HCRTR2: variants seen among roughly 807,000 people sequenced by gnomAD.
HCRTR2 encodes orexin receptor type 2.
HCRTR2 carries 22 observed loss-of-function variants against 49.0 expected under a neutral mutation model. The ratio of observed to expected loss-of-function variants is 0.45; its 90% CI spans 0.32 to 0.64. HCRTR2 has a LOEUF of 0.64. HCRTR2 is among the 30% of genes least tolerant of loss of function. The pLI, the probability that HCRTR2 is intolerant of heterozygous loss-of-function variation, is 0.04. For synonymous variants in HCRTR2, 236 were observed against 205.3 expected (o/e 1.15, Z -1.28); for missense variants, 491 against 559.4 (o/e 0.88, Z 1.23).
intron 3 of HCRTR2, among the ~76,000 whole-genome samples, chr6:55,257,626 C>T (rs536143576): frequency 3.7e-4 from 56 of 151,442 alleles, no homozygotes; most frequent in Non-Finnish European, 5.9e-4. Flanking sequence ...TGTAAATAGA[C>T]GTATGATTTT....
chr6:55,268,569 A>T (rs1766906985), intron 4 of HCRTR2, among the ~76,000 whole-genome samples: 1 of 152,178 alleles, frequency 6.6e-6, no homozygotes, highest in Non-Finnish European at 1.5e-5. Flanking sequence ...ATGTGGTTAT[A>T]CTAAAATTAG....
chr6:55,196,612 T>G (rs1035684696), intron 1 of HCRTR2, among the ~76,000 whole-genome samples: 24 of 152,202 alleles, frequency 1.6e-4, no homozygotes, highest in Admixed American at 2.6e-4. Flanking sequence ...CTGAGCTTTA[T>G]TTTGTTTACA....
At chr6:55,201,505 A>T (rs1765512704) in intron 1 of HCRTR2, among the ~76,000 whole-genome samples, 1 of 152,262 alleles carries the variant, frequency 6.6e-6, no homozygotes, top group Non-Finnish European at 1.5e-5. Flanking sequence ...TGCAATTCTA[A>T]TTTACAATGA....
At chr6:55,189,024 G>C (rs1765271888) in intron 1 of HCRTR2, among the ~76,000 whole-genome samples, 1 of 152,104 alleles carries the variant, frequency 6.6e-6, no homozygotes, top group South Asian at 2.1e-4. Flanking sequence ...ATCATTCAGG[G>C]AATTCCAATA....
intron 1 of HCRTR2, among the ~76,000 whole-genome samples, chr6:55,169,018 T>G (rs1454336858): frequency 6.6e-6 from 1 of 151,818 alleles, no homozygotes; most frequent in East Asian, 2.0e-4. Context: ...CAATGTCTTT[T>G]CCATATGGTT....
At chr6:55,248,948 A>G in intron 2 of HCRTR2, 131 bp downstream of exon 2, 3 of 767,098 alleles carry the variant, frequency 3.9e-6, no homozygotes, top group Admixed American at 4.4e-5. Flanking sequence ...AAGGAAAATA[A>G]TACTTGAGAA....
At chr6:55,199,700 A>G (rs915153446) in intron 1 of HCRTR2, among the ~76,000 whole-genome samples, 4 of 152,184 alleles carry the variant, frequency 2.6e-5, no homozygotes, top group African/African-American at 9.7e-5. Flanking sequence ...ATTTCGAAAA[A>G]AATATTAACA....
intron 1 of HCRTR2, among the ~76,000 whole-genome samples, chr6:55,164,438 G>A (rs549520254): frequency 1.3e-5 from 2 of 152,268 alleles, no homozygotes; most frequent in South Asian, 4.1e-4. Context: ...GAAATACTAT[G>A]CAGCCATAAA....
At chr6:55,190,611 A>C (rs1765299884) in intron 1 of HCRTR2, among the ~76,000 whole-genome samples, 1 of 152,188 alleles carries the variant, frequency 6.6e-6, no homozygotes, top group South Asian at 2.1e-4. Flanking sequence ...CATATATATC[A>C]AAGACTATAG....
chr6:55,193,536 CTTT>C (rs578052261), intron 1 of HCRTR2, among the ~76,000 whole-genome samples: 1 of 140,200 alleles, frequency 7.1e-6, no homozygotes. Context: ...TTTTGTTTTT[CTTT>C]TTTTTTTTTT....
intron 1 of HCRTR2, among the ~76,000 whole-genome samples, chr6:55,125,909 C>T (rs536740569): frequency 2.0e-5 from 3 of 152,074 alleles, no homozygotes; most frequent in Non-Finnish European, 2.9e-5. Context: ...ATCGATTCAG[C>T]GATTGATACC....
intron 1 of HCRTR2, among the ~76,000 whole-genome samples, chr6:55,181,414 A>G (rs1221666968): frequency 6.6e-6 from 1 of 152,212 alleles, no homozygotes; most frequent in Non-Finnish European, 1.5e-5. Context: ...CTGTTCTTTC[A>G]TAAACAAAAA....
At chr6:55,144,742 G>A (rs773284640) in intron 1 of HCRTR2, among the ~76,000 whole-genome samples, 10 of 151,888 alleles carry the variant, frequency 6.6e-5, no homozygotes, top group African/African-American at 1.5e-4. Context: ...CTTTGGCTCA[G>A]GACCTTTCTC....
chr6:55,262,321 A>ATATATTATATGTTATATATAATAT (rs1221508848), intron 3 of HCRTR2, among the ~76,000 whole-genome samples: 2 of 142,642 alleles, frequency 1.4e-5, no homozygotes, highest in Non-Finnish European at 3.0e-5. Context: ...ATATATAAAT[A>ATATATTATATGTTATATATAATAT]TATATTATAT....
intron 1 of HCRTR2, among the ~76,000 whole-genome samples, chr6:55,189,847 T>C (rs886718256): frequency 4.6e-5 from 7 of 152,238 alleles, no homozygotes; most frequent in African/African-American, 1.7e-4. Flanking sequence ...TATTCGTTTT[T>C]TTCTTAAAAT....
At chr6:55,227,485 C>T (rs1292016299) in intron 1 of HCRTR2, among the ~76,000 whole-genome samples, 1 of 152,116 alleles carries the variant, frequency 6.6e-6, no homozygotes, top group Non-Finnish European at 1.5e-5. Flanking sequence ...TAATTTTATG[C>T]AACATGGAAA....
rs113938433 is a variant in HCRTR2, at chr6:55,180,937, T to A, written c.223+6127T>A. Among the ~76,000 whole-genome samples the A allele has an allele frequency of 6.0e-3, 916 of 151,908 alleles. 12 individuals are homozygous for A. The highest frequency in any genetic ancestry group is 0.021 in the African/African-American group (854 of 41,478). ...GCCTCAGCCTCCCCAGTAGCTGGGA[T>A]TACAGGCACATGCCACCATGCCCAG... On this transcript the variant is annotated intron_variant, in intron 1 of 6. Coordinates refer to ENST00000370862, the MANE Select transcript of HCRTR2 (RefSeq NM_001384272.1).
At chr6:55,143,375 A>G (rs1764535751) in intron 1 of HCRTR2, among the ~76,000 whole-genome samples, 1 of 152,152 alleles carries the variant, frequency 6.6e-6, no homozygotes, top group African/African-American at 2.4e-5. Flanking sequence ...AATGTATCCC[A>G]CAAACCCATC....
chr6:55,207,238 GA>G (rs577769112), intron 1 of HCRTR2, among the ~76,000 whole-genome samples: 218 of 151,936 alleles, frequency 1.4e-3, no homozygotes, highest in Non-Finnish European at 2.4e-3. Context: ...ATACAATAAG[GA>G]AAATTTATTT....
Sources: gnomAD v4.1 joint callset for allele counts (sites outside exome capture counted in the v4.1 genomes callset) on GRCh38, gnomAD v4.1.1 for gene constraint, MANE v1.5 for transcripts, NCBI Gene and HGNC (gene_info 2026-07-23, HGNC 2026-07-21) for gene names.